The following METTL25 variants were observed in gnomAD, a reference collection of about 807,000 sequenced individuals.
METTL25 encodes the protein methyltransferase like 25, also known as probable methyltransferase-like protein 25.
A neutral mutation model predicts 71.6 loss-of-function variants in METTL25; 64 were observed. That is an observed-to-expected ratio of 0.89 (90% CI 0.73 to 1.10). The LOEUF is 1.10. METTL25 is among the 50% of genes least tolerant of loss of function. METTL25 has a pLI of 0.00. For synonymous variants in METTL25, 287 were observed against 250.3 expected, an observed-to-expected ratio of 1.15 and a Z score of -1.38; for missense variants, 807 against 707.0, an observed-to-expected ratio of 1.14 and a Z score of -1.60.
At chr12:82,446,817 A>G (rs1299982544) in intron 8 of METTL25, among the ~76,000 whole-genome samples, 2 of 151,514 alleles carry the variant, frequency 1.3e-5, no homozygotes, top group East Asian at 2.0e-4. Context: ...GGGTTTCACT[A>G]TGTTGGCCAG....
chr12:82,392,426 G>A (rs1029449518), intron 3 of METTL25, among the ~76,000 whole-genome samples: 5 of 151,914 alleles, frequency 3.3e-5, no homozygotes, highest in Non-Finnish European at 5.9e-5. Context: ...CCCTACAAAG[G>A]ACATGAACTC....
intron 1 of METTL25, among the ~76,000 whole-genome samples, chr12:82,382,505 T>G (rs1223643189): frequency 6.6e-6 from 1 of 152,196 alleles, no homozygotes; most frequent in Non-Finnish European, 1.5e-5. Context: ...TTTATTTTCC[T>G]TTTATAGTTG....
At chr12:82,361,302 A>G (rs1431805861) in intron 1 of METTL25, among the ~76,000 whole-genome samples, 1 of 152,168 alleles carries the variant, frequency 6.6e-6, no homozygotes, top group Non-Finnish European at 1.5e-5. Context: ...CCTTAGCTAG[A>G]CATAAAGTTT....
intron 5 of METTL25, among the ~76,000 whole-genome samples, chr12:82,410,279 G>T (rs535582443): frequency 7.2e-5 from 11 of 152,188 alleles, no homozygotes; most frequent in African/African-American, 2.6e-4. Context: ...ATAGAGAAAT[G>T]TATGACTAAT....
chr12:82,389,995 T>C (rs987830006), intron 3 of METTL25, 73 bp downstream of exon 3: 23 of 809,898 alleles, frequency 2.8e-5, no homozygotes, highest in Non-Finnish European at 4.4e-5. Flanking sequence ...ATTTCACCTT[T>C]TTACTGTCAG....
At chr12:82,369,180 C>G (rs1328372660) in intron 1 of METTL25, among the ~76,000 whole-genome samples, 2 of 152,182 alleles carry the variant, frequency 1.3e-5, no homozygotes, top group East Asian at 3.9e-4. Flanking sequence ...TCAGATTACA[C>G]TAAATTAGTA....
At chr12:82,393,769 T>C (rs1398675946) in intron 3 of METTL25, among the ~76,000 whole-genome samples, 1 of 151,886 alleles carries the variant, frequency 6.6e-6, no homozygotes, top group Non-Finnish European at 1.5e-5. Flanking sequence ...TTTATTTCTT[T>C]TCCTCTATTA....
intron 9 of METTL25, among the ~76,000 whole-genome samples, chr12:82,473,411 C>A (rs953607749): frequency 6.6e-6 from 1 of 152,090 alleles, no homozygotes; most frequent in African/African-American, 2.4e-5. Flanking sequence ...CAGGGGAGGG[C>A]TGCTTCTCAA....
chr12:82,402,486 A>G (rs1886716553), intron 4 of METTL25, among the ~76,000 whole-genome samples: 1 of 152,136 alleles, frequency 6.6e-6, no homozygotes, highest in Non-Finnish European at 1.5e-5. Context: ...AAAATGGGAG[A>G]AAATATAAAC....
intron 3 of METTL25, among the ~76,000 whole-genome samples, chr12:82,396,036 A>G (rs1456734185): frequency 3.3e-5 from 5 of 152,084 alleles, no homozygotes; most frequent in Admixed American, 3.3e-4. Flanking sequence ...ATAACATATA[A>G]TACTGTATTT....
intron 5 of METTL25, chr12:82,407,945 GAGA>G (rs1592670948): frequency 1.0e-6 from 1 of 985,142 alleles, no homozygotes; most frequent in Non-Finnish European, 1.2e-6. Flanking sequence ...TAGTAAAACA[GAGA>G]AGATGTGAAC....
chr12:82,447,549 G>A (rs1003696459), intron 8 of METTL25, among the ~76,000 whole-genome samples: 1 of 152,166 alleles, frequency 6.6e-6, no homozygotes, highest in Admixed American at 6.5e-5. Context: ...GAATAATTTA[G>A]GAGTATAAAT....
chr12:82,435,946 C>T (rs1189433332), intron 7 of METTL25, among the ~76,000 whole-genome samples: 1 of 151,314 alleles, frequency 6.6e-6, no homozygotes, highest in African/African-American at 2.4e-5. Context: ...CTCTTACTAT[C>T]CCATGATACA....
At chr12:82,458,972 T>C (rs1164607601) in intron 9 of METTL25, among the ~76,000 whole-genome samples, 1 of 152,126 alleles carries the variant, frequency 6.6e-6, no homozygotes, top group Non-Finnish European at 1.5e-5. Flanking sequence ...TGAGACATAA[T>C]TATAGGACTA....
intron 5 of METTL25, among the ~76,000 whole-genome samples, chr12:82,419,429 C>G (rs1160360806): frequency 6.6e-6 from 1 of 152,016 alleles, no homozygotes; most frequent in East Asian, 1.9e-4. Flanking sequence ...GACAAGAACC[C>G]TTTTTCTGGA....
At chr12:82,401,222 C>T (rs1378846114) in intron 4 of METTL25, among the ~76,000 whole-genome samples, 1 of 151,490 alleles carries the variant, frequency 6.6e-6, no homozygotes, top group East Asian at 1.9e-4. Flanking sequence ...AGGACATAGG[C>T]TAAAATAACA....
At chr12:82,476,440 G>A in intron 9 of METTL25, 2 of 453,058 alleles carry the variant, frequency 4.4e-6, no homozygotes, top group Non-Finnish European at 7.8e-6. Flanking sequence ...TATTTATGAT[G>A]TGCTGCATAA....
At chr12:82,380,412 A>G (rs77926137) in intron 1 of METTL25, among the ~76,000 whole-genome samples, 1,546 of 106,620 alleles carry the variant, frequency 0.015, 18 homozygotes, top group African/African-American at 0.05. Context: ...CCCGACCTTA[A>G]AAGTTTATAT....
chr12:82,418,878 G>A (rs1888216090), intron 5 of METTL25, among the ~76,000 whole-genome samples: 1 of 152,110 alleles, frequency 6.6e-6, no homozygotes, highest in African/African-American at 2.4e-5. Context: ...GTGGGTATGT[G>A]ATTGTGAAAA....
Sources: gnomAD v4.1 joint callset for allele counts (sites outside exome capture counted in the v4.1 genomes callset) on GRCh38, gnomAD v4.1.1 for gene constraint, MANE v1.5 for transcripts, NCBI Gene and HGNC (gene_info 2026-07-23, HGNC 2026-07-21) for gene names.